The following CCND3 variants were observed in gnomAD, a reference collection of about 807,000 sequenced individuals.
CCND3 encodes the protein G1/S-specific cyclin-D3.
Under a neutral mutation model 28.7 loss-of-function variants are expected in CCND3, and 9 were observed. That is an observed-to-expected ratio of 0.31 (90% CI 0.19 to 0.55). The LOEUF is 0.55. CCND3 is among the 20% of genes least tolerant of loss of function. The pLI, the probability that CCND3 is intolerant of heterozygous loss-of-function variation, is 0.93. For synonymous variants in CCND3, 164 were observed against 163.9 expected, an observed-to-expected ratio of 1.00 and a Z score of 0.00; for missense variants, 315 against 385.8, an observed-to-expected ratio of 0.82 and a Z score of 1.54.
At chr6:41,946,052 G>A (rs918154041), upstream of CCND3, among the ~76,000 whole-genome samples, 9 of 152,066 alleles carry the variant, frequency 5.9e-5, no homozygotes, top group African/African-American at 2.2e-4. Flanking sequence ...ATGGTCTAGC[G>A]TATGGAGAGG....
chr6:41,943,295 A>C (rs911221485), upstream of CCND3, among the ~76,000 whole-genome samples: 1 of 152,254 alleles, frequency 6.6e-6, no homozygotes, highest in African/African-American at 2.4e-5. Flanking sequence ...TTGCCATGAA[A>C]TAACCCTTTA....
chr6:41,936,331 G>T lies in CCND3; in HGVS notation c.712-224C>A. The T allele has an allele frequency of 1.5e-6, 1 of 659,760 alleles. No individual in the cohort carries two copies. Among genetic ancestry groups the T allele is most frequent in the Non-Finnish European group, 2.5e-6 (1 of 395,346 alleles). The allele number at this position is 659,760 out of a possible 1,614,324, so 40.9% of individuals were successfully genotyped here. On this transcript the variant is annotated intron_variant, in intron 4 of 4. Coordinates refer to ENST00000372991, the MANE Select transcript of CCND3 (RefSeq NM_001760.5). This position sits in a 1 kb window ranked among gnomAD's most constrained non-coding sequence, Gnocchi z 4.4. The stretch of plus-strand genomic sequence containing the variant: ...CACCAAACCCCCCACCCCCACTCCA[G>T]CACACCACTTGGCAAGAAAAGAACC...
intron 1 of CCND3, among the ~76,000 whole-genome samples, chr6:42,037,837 T>A (rs1378728873): frequency 6.6e-6 from 1 of 151,516 alleles, no homozygotes; most frequent in Non-Finnish European, 1.5e-5. Flanking sequence ...TCAAGACTAG[T>A]CTGACCAAAA....
chr6:42,036,390 TATATATATATATA>T (rs1429144436), intron 1 of CCND3, among the ~76,000 whole-genome samples: 10 of 42,200 alleles, frequency 2.4e-4, no homozygotes, highest in African/African-American at 7.3e-4. Flanking sequence ...TATATATATA[TATATATATATATA>T]TTTTTTTTTT....
At chr6:42,013,941 G>A (rs1763413561) in intron 1 of CCND3, among the ~76,000 whole-genome samples, 1 of 152,122 alleles carries the variant, frequency 6.6e-6, no homozygotes, top group South Asian at 2.1e-4. Flanking sequence ...GCGTGGTGGT[G>A]TGCGCCTGTA....
chr6:42,027,909 G>A (rs747231204), intron 1 of CCND3, among the ~76,000 whole-genome samples: 65 of 152,012 alleles, frequency 4.3e-4, no homozygotes, highest in Non-Finnish European at 7.8e-4. Context: ...CACCACACCC[G>A]GCTAATTTTG....
In CCND3 at chr6:42,037,980, G is replaced by A. The variant is rs914290116; in HGVS notation, c.-46+10521C>T. ...CGGGAGGCGGAGGTTGCAGTGAGCC[G>A]AGATTGCGCCATTGCACTCCACCCT... On this transcript the variant is annotated intron_variant, in intron 1 of 4. Transcript: ENST00000372988. Among the ~76,000 whole-genome samples the A allele has an allele frequency of 4.7e-5, 7 of 148,932 alleles. No individual in the cohort carries two copies. The East Asian group carries it at 9.9e-4, about 21-fold the overall frequency.
chr6:41,940,732 A>G, intron 1 of CCND3, 147 bp from the exon 2 acceptor site: 1 of 745,014 alleles, frequency 1.3e-6, no homozygotes, highest in Non-Finnish European at 2.3e-6. Context: ...ATAAAGGAGG[A>G]GGATGCGCCC....
chr6:42,012,857 A>G (rs151311528), intron 1 of CCND3, among the ~76,000 whole-genome samples: 162 of 152,344 alleles, frequency 1.1e-3, no homozygotes, highest in African/African-American at 3.5e-3. Context: ...ATCCTGACAC[A>G]GATGAATCCA....
rs1195982468 is a variant in CCND3 at position 41,939,220 on chromosome 6, G to C, written c.414+1150C>G. On this transcript the variant is annotated intron_variant, in intron 2 of 4. Transcript: ENST00000372991. The surrounding 1 kb of genome is among the most constrained non-coding windows in gnomAD (Gnocchi z 4.2). ...GGCAGGAAGAGGAATCCTGTTCCTCGACTCACAGCAGTCGGGGGCCCCAGT... is the reference window on the plus strand; with the variant it reads ...GGCAGGAAGAGGAATCCTGTTCCTCCACTCACAGCAGTCGGGGGCCCCAGT... Among the ~76,000 whole-genome samples, 1 of 152,032 alleles carries C rather than the reference G, an allele frequency of 6.6e-6. No individual in the cohort carries two copies. The highest frequency in any genetic ancestry group is 2.4e-5 in the African/African-American group (1 of 41,396).
chr6:41,954,753 A>T (rs531182708), intron 1 of CCND3, among the ~76,000 whole-genome samples: 1 of 152,148 alleles, frequency 6.6e-6, no homozygotes, highest in East Asian at 1.9e-4. Flanking sequence ...TTATTATCCC[A>T]TTTTACAGAG....
chr6:41,980,007 A>G, intron 1 of CCND3, among the ~76,000 whole-genome samples: 1 of 2,692 alleles, frequency 3.7e-4, no homozygotes, highest in South Asian at 0.017. Context: ...GCTGCTTTCA[A>G]AATCACACAC....
Position 41,936,178 on chromosome 6 carries a change from G to C in CCND3, c.712-71C>G. ...CATCTGGCAGCAGGTGCAGGGGAAG[G>C]ACAGCTCCCAACACATGGGGAAGTC... On this transcript the variant is annotated intron_variant, in intron 4 of 4. Transcript: ENST00000372991. The surrounding 1 kb of genome is among the most constrained non-coding windows in gnomAD (Gnocchi z 4.4). 2 of 1,482,740 alleles carry C rather than the reference G, an allele frequency of 1.3e-6. No individual in the cohort carries two copies. Among genetic ancestry groups the C allele is most frequent in the Non-Finnish European group, 1.8e-6 (2 of 1,106,390 alleles). 91.8% of individuals were successfully genotyped at this position (1,482,740 alleles called of 1,614,324 possible).
At chr6:42,018,479 T>C (rs935433034) in intron 1 of CCND3, 1 of 152,132 alleles carries the variant, frequency 6.6e-6, no homozygotes, top group Non-Finnish European at 1.5e-5. Context: ...CTCTGTATCG[T>C]TCCAATTTTA....
intron 1 of CCND3, among the ~76,000 whole-genome samples, chr6:42,027,439 CAAAAA>C (rs5875782): frequency 7.6e-6 from 1 of 132,230 alleles, no homozygotes; most frequent in East Asian, 2.0e-4. Context: ...GGCTCCATCT[CAAAAA>C]AAAAAAAAAA....
intron 1 of CCND3, among the ~76,000 whole-genome samples, chr6:41,964,995 T>A (rs1317776311): frequency 6.6e-6 from 1 of 151,886 alleles, no homozygotes; most frequent in Non-Finnish European, 1.5e-5. Context: ...GTGTTTCTAT[T>A]TCCTCTGATA....
intron 1 of CCND3, among the ~76,000 whole-genome samples, chr6:42,000,634 C>G (rs1762980105): frequency 7.8e-6 from 1 of 128,954 alleles, no homozygotes; most frequent in Non-Finnish European, 1.6e-5. Flanking sequence ...ATGGCGCAAT[C>G]TCGGCTCACC....
rs1775762591 is a variant in CCND3 at position 41,935,789 on chromosome 6, CG to C, written c.*150del. ...TGGCCGGGCCCCTTAGTGCACACTGCGGGGATGGGTAGGACCAGATCCCTTG... is the reference window on the plus strand; with the variant it reads ...TGGCCGGGCCCCTTAGTGCACACTGCGGGATGGGTAGGACCAGATCCCTTG... On this transcript the variant is annotated 3_prime_UTR_variant, in exon 5 of 5. Coordinates refer to ENST00000372991, the MANE Select transcript of CCND3 (RefSeq NM_001760.5). 5.4e-6 allele frequency: 4 copies of C among 744,818 alleles called. No individual in the cohort carries two copies. In the African/African-American group the frequency reaches 6.9e-5, roughly 13 times the overall value. The allele number at this position is 744,818 out of a possible 1,614,324, so 46.1% of individuals were successfully genotyped here.
chr6:41,995,522 C>T (rs930325969), intron 1 of CCND3, among the ~76,000 whole-genome samples: 3 of 152,106 alleles, frequency 2.0e-5, no homozygotes, highest in Admixed American at 2.0e-4. Flanking sequence ...TCCCAAAGTG[C>T]TGGGATTACA....
Sources: allele counts gnomAD v4.1 joint callset (sites outside exome capture counted in the v4.1 genomes callset), GRCh38; gene constraint gnomAD v4.1.1; non-coding constraint Gnocchi (gnomAD v3.1); transcripts MANE v1.5; gene names NCBI Gene and HGNC (gene_info 2026-07-23, HGNC 2026-07-21).